The following HIRA variants were observed in gnomAD, a reference collection of about 807,000 sequenced individuals.
HIRA encodes the protein protein HIRA.
A neutral mutation model predicts 126.6 loss-of-function variants in HIRA; 13 were observed. The ratio of observed to expected loss-of-function variants is 0.10; its 90% confidence interval spans 0.07 to 0.16. HIRA has a LOEUF of 0.16. Ranked by LOEUF, HIRA falls within the 10% of genes least tolerant of loss-of-function variation. The pLI, the probability that HIRA is intolerant of heterozygous loss-of-function variation, is 1.00. For missense variants in HIRA, 834 were observed against 1,314.4 expected (o/e 0.63, Z 5.65); for synonymous variants, 511 against 520.0 (o/e 0.98, Z 0.24).
chr22:19,350,247 G>A (rs1407202106), intron 24 of HIRA, among the ~76,000 whole-genome samples: 5 of 152,050 alleles, frequency 3.3e-5, no homozygotes, highest in African/African-American at 1.2e-4. Flanking sequence ...ATGAATGCAG[G>A]GACTCAGTCT....
intron 7 of HIRA, among the ~76,000 whole-genome samples, chr22:19,394,879 T>C (rs1464538328): frequency 6.6e-6 from 1 of 152,198 alleles, no homozygotes; most frequent in Admixed American, 6.5e-5. Context: ...ACCCACAGCA[T>C]GGCATCTGCA....
chr22:19,376,041 C>A (rs772209550), intron 14 of HIRA, among the ~76,000 whole-genome samples: 2 of 152,122 alleles, frequency 1.3e-5, no homozygotes, highest in Non-Finnish European at 2.9e-5. Context: ...AGAGCTTTTG[C>A]GGGTAGAATG....
At chr22:19,417,794 A>T (rs2089411730) in intron 1 of HIRA, among the ~76,000 whole-genome samples, 1 of 152,208 alleles carries the variant, frequency 6.6e-6, no homozygotes, top group South Asian at 2.1e-4. Context: ...CTATTTGTAC[A>T]CCCATGTTCA....
At chr22:19,421,552 T>C (rs1569314473) in intron 1 of HIRA, among the ~76,000 whole-genome samples, 2 of 152,184 alleles carry the variant, frequency 1.3e-5, no homozygotes, top group African/African-American at 2.4e-5. Context: ...GTTTTAACAA[T>C]GTGTTTTCCT....
At chr22:19,371,933 T>G (rs1264281228) in intron 15 of HIRA, among the ~76,000 whole-genome samples, 1 of 152,262 alleles carries the variant, frequency 6.6e-6, no homozygotes, top group Non-Finnish European at 1.5e-5. Context: ...CATTCATGTA[T>G]GAGTTATTGC....
chr22:19,337,798 AT>A (rs1420378708), intron 24 of HIRA, among the ~76,000 whole-genome samples: 98 of 148,046 alleles, frequency 6.6e-4, no homozygotes, highest in African/African-American at 1.9e-3. Flanking sequence ...AGCCTATCGG[AT>A]TTTTTTTTTT....
At chr22:19,394,255 ATT>A (rs1221479355) in intron 8 of HIRA, 85 bp downstream of exon 8, 1 of 1,449,798 alleles carries the variant, frequency 6.9e-7, no homozygotes, top group African/African-American at 1.4e-5. Flanking sequence ...GCTTTTAAAT[ATT>A]TAAGTATAAC....
intron 1 of HIRA, among the ~76,000 whole-genome samples, chr22:19,422,471 C>A (rs954743200): frequency 6.6e-6 from 1 of 152,046 alleles, no homozygotes; most frequent in African/African-American, 2.4e-5. Context: ...CTAAAACTCA[C>A]GTCAGATCAC....
intron 24 of HIRA, among the ~76,000 whole-genome samples, chr22:19,332,185 G>A (rs1469982787): frequency 6.6e-6 from 1 of 152,190 alleles, no homozygotes; most frequent in African/African-American, 2.4e-5. Flanking sequence ...TGAGCAGTAC[G>A]GCTGCTCCAA....
intron 20 of HIRA, 50 bp downstream of exon 20, chr22:19,356,180 C>G: frequency 6.5e-7 from 1 of 1,538,592 alleles, no homozygotes; most frequent in South Asian, 1.1e-5. Context: ...CAGCATCAGA[C>G]ATGAACTTGG....
Position 19,407,219 on chromosome 22 carries a change from T to G in HIRA, c.267A>C (p.Gly89=). The change falls in exon 4 of 25, where the codon GGA becomes GGC. Residue 89 remains glycine (G), a synonymous_variant. Coordinates refer to ENST00000263208, the MANE Select transcript of HIRA (RefSeq NM_003325.4). ...TCCACACCATAATCAGTTTGTCATC[T>G]CCCCCAGAAGCTAAATACATCCCAC... ...SNSGMYLASG[G]DDKLIMVWKR... The G allele has an allele frequency of 1.2e-6, 2 of 1,613,462 alleles. No individual in the cohort carries two copies. Among genetic ancestry groups the G allele is most frequent in the South Asian group, 2.2e-5 (2 of 91,056 alleles).
At chr22:19,334,559 G>A (rs1432259048) in intron 24 of HIRA, among the ~76,000 whole-genome samples, 1 of 151,310 alleles carries the variant, frequency 6.6e-6, no homozygotes, top group Non-Finnish European at 1.5e-5. Context: ...GGCTGAGGCG[G>A]CTGGATCACT....
At chr22:19,385,485 G>C in intron 12 of HIRA, 36 bp downstream of exon 12, 1 of 1,588,962 alleles carries the variant, frequency 6.3e-7, no homozygotes, top group Non-Finnish European at 8.6e-7. Context: ...CTGGGCATAT[G>C]TCCATGTCTT....
intron 13 of HIRA, among the ~76,000 whole-genome samples, chr22:19,378,727 A>C (rs1212818535): frequency 6.6e-6 from 1 of 152,250 alleles, no homozygotes; most frequent in Non-Finnish European, 1.5e-5. Context: ...CTTAGAACAC[A>C]CATTGGCTGC....
At chr22:19,378,556 C>G (rs929319159) in intron 13 of HIRA, among the ~76,000 whole-genome samples, 1 of 152,248 alleles carries the variant, frequency 6.6e-6, no homozygotes, top group Non-Finnish European at 1.5e-5. Context: ...AGTGTCAGAA[C>G]TGAGGATTCT....
chr22:19,353,381 G>C lies in HIRA; in HGVS notation c.2823C>G (p.Val941=). ...CTTCGTTTACGAGGTACCGTGCGTAGACGAGGAGCCAATGGCGGTACTCGT... is the reference window on the plus strand; with the variant it reads ...CTTCGTTTACGAGGTACCGTGCGTACACGAGGAGCCAATGGCGGTACTCGT... ...SSHEYRHWLL[V]YARYLVNEGF... Residue 941 remains valine, a synonymous_variant, in exon 23 of 25, where the codon GTC becomes GTG. Coordinates refer to ENST00000263208, the MANE Select transcript of HIRA (RefSeq NM_003325.4). The C allele has an allele frequency of 1.9e-6, 3 of 1,612,990 alleles. No individual in the cohort carries two copies. The highest frequency in any genetic ancestry group is 2.5e-6 in the Non-Finnish European group (3 of 1,180,032).
chr22:19,373,910 C>T (rs531281419), intron 15 of HIRA, among the ~76,000 whole-genome samples: 25 of 106,558 alleles, frequency 2.3e-4, no homozygotes, highest in African/African-American at 6.5e-4. Context: ...ACCCATGGTG[C>T]AGTTCTGCTC....
In HIRA at chr22:19,351,561, A is replaced by AAAT; in HGVS notation, c.2849-116_2849-115insATT. 1 of 811,252 alleles carries AAAT rather than the reference A, an allele frequency of 1.2e-6. No homozygotes were observed. The highest frequency in any genetic ancestry group is 2.0e-6 in the Non-Finnish European group (1 of 509,136). The allele number at this position is 811,252 out of a possible 1,614,324, so 50.3% of individuals were successfully genotyped here. A position where few individuals can be genotyped will look rare whatever the true frequency, so the allele number is the denominator to read the frequency against. On this transcript the variant is annotated intron_variant, in intron 23 of 24. Coordinates refer to ENST00000263208, the MANE Select transcript of HIRA (RefSeq NM_003325.4). The surrounding 1 kb of genome is among the most constrained non-coding windows in gnomAD (Gnocchi z 4.8). ...TTGTTGTGTCTATCAAATCAGAATA[A>AAAT]ACACATGCGTATTTTATTGCCTACT...
At chr22:19,338,185 A>G (rs2088587962) in intron 24 of HIRA, among the ~76,000 whole-genome samples, 1 of 152,170 alleles carries the variant, frequency 6.6e-6, no homozygotes, top group African/African-American at 2.4e-5. Flanking sequence ...CAAACAAACT[A>G]ACTGCCAGCC....
Sources: allele counts gnomAD v4.1 joint callset (sites outside exome capture counted in the v4.1 genomes callset), GRCh38; gene constraint gnomAD v4.1.1; non-coding constraint Gnocchi (gnomAD v3.1); transcripts MANE v1.5; gene names NCBI Gene and HGNC (gene_info 2026-07-23, HGNC 2026-07-21).